The following ZSCAN25 variants were observed in gnomAD, a reference collection of about 807,000 sequenced individuals.
ZSCAN25 encodes zinc finger and SCAN domain-containing protein 25.
ZSCAN25 carries 27 observed loss-of-function variants against 38.7 expected under a neutral mutation model. The observed-to-expected ratio is 0.70, with a 90% CI of 0.51 to 0.96. The LOEUF (loss-of-function observed/expected upper bound fraction) is 0.96, where lower values mean the gene tolerates loss of function less well. Among genes scored for constraint, ZSCAN25 ranks in the 40% least tolerant of loss-of-function variants. ZSCAN25 has a pLI of 0.00. For synonymous variants in ZSCAN25, 273 were observed against 277.7 expected, an observed-to-expected ratio of 0.98 and a Z score of 0.17; for missense variants, 637 against 705.9, an observed-to-expected ratio of 0.90 and a Z score of 1.11.
the ZSCAN25 span, chr7:99,705,627 A>C: frequency 6.2e-7 from 1 of 1,610,274 alleles, no homozygotes; most frequent in Non-Finnish European, 8.5e-7. Context: ...ATTGAGAAGC[A>C]TTAAATAAAG....
chr7:99,675,517 A>T, the ZSCAN25 span, among the ~76,000 whole-genome samples: 1 of 151,724 alleles, frequency 6.6e-6, no homozygotes, highest in South Asian at 2.1e-4. Flanking sequence ...GCTTGCTGCT[A>T]CTGGCCTTCT....
Position 99,631,078 on chromosome 7 carries a change from G to A in ZSCAN25, c.*1058G>A, listed in dbSNP as rs965455337. The A allele has an allele frequency of 1.4e-4, 139 of 985,014 alleles. No individual in the cohort carries two copies. Among genetic ancestry groups the A allele is most frequent in the South Asian group, 2.8e-4 (6 of 21,282 alleles). The allele number at this position is 985,014 out of a possible 1,614,324, so 61.0% of individuals were successfully genotyped here. A position where few individuals can be genotyped will look rare whatever the true frequency, so the allele number is the denominator to read the frequency against. ...CATGAATAAAATAGGGGGAGAAGCTGTTGACCTCGTAGAGCTTATGTCTCG... is the reference window on the plus strand; with the variant it reads ...CATGAATAAAATAGGGGGAGAAGCTATTGACCTCGTAGAGCTTATGTCTCG... On this transcript the variant is annotated 3_prime_UTR_variant, in exon 8 of 8. Coordinates refer to ENST00000394152, the MANE Select transcript of ZSCAN25 (RefSeq NM_145115.3).
chr7:99,654,325 T>C, the ZSCAN25 span, among the ~76,000 whole-genome samples: 5 of 152,124 alleles, frequency 3.3e-5, no homozygotes, highest in Non-Finnish European at 7.3e-5. Flanking sequence ...AGTGAGAACA[T>C]ACAGTGTTTG....
the ZSCAN25 span, chr7:99,707,772 A>G: frequency 6.2e-7 from 1 of 1,612,474 alleles, no homozygotes; most frequent in Non-Finnish European, 8.5e-7. Context: ...AGTTAAAATA[A>G]TTGTTAATAA....
chr7:99,716,765 T>C, the ZSCAN25 span, among the ~76,000 whole-genome samples: 1 of 152,188 alleles, frequency 6.6e-6, no homozygotes, highest in Non-Finnish European at 1.5e-5. Context: ...CATGAAATGA[T>C]CAAAGTTATT....
the ZSCAN25 span, among the ~76,000 whole-genome samples, chr7:99,670,400 C>T: frequency 2.8e-4 from 43 of 152,238 alleles, no homozygotes; most frequent in East Asian, 4.2e-3. Flanking sequence ...TTATGCATTT[C>T]GACATGTTGG....
the ZSCAN25 span, chr7:99,650,312 A>G: frequency 1.5e-6 from 2 of 1,371,866 alleles, no homozygotes; most frequent in Non-Finnish European, 2.0e-6. Flanking sequence ...TTACTTAAGA[A>G]CAACCCCCCT....
the ZSCAN25 span, chr7:99,638,533 T>C: frequency 7.3e-6 from 11 of 1,509,440 alleles, no homozygotes; most frequent in Non-Finnish European, 1.0e-5. Context: ...TGGGTCCCAG[T>C]GTAGTTATGC....
chr7:99,648,121 C>A, the ZSCAN25 span: 1 of 1,279,404 alleles, frequency 7.8e-7, no homozygotes. Flanking sequence ...CTTTATACTA[C>A]ATAATGCACA....
the ZSCAN25 span, among the ~76,000 whole-genome samples, chr7:99,664,773 G>A: frequency 2.0e-5 from 3 of 152,036 alleles, no homozygotes; most frequent in African/African-American, 7.2e-5. Context: ...AACACTAAAA[G>A]AAGAAGAGCA....
the ZSCAN25 span, among the ~76,000 whole-genome samples, chr7:99,735,935 A>G: frequency 6.6e-6 from 1 of 152,058 alleles, no homozygotes; most frequent in South Asian, 2.1e-4. Context: ...TGACCACTCC[A>G]TCTTCTTAGG....
the ZSCAN25 span, among the ~76,000 whole-genome samples, chr7:99,643,290 G>A: frequency 2.0e-5 from 3 of 152,008 alleles, no homozygotes; most frequent in East Asian, 5.8e-4. Flanking sequence ...CTAGAAAGGC[G>A]TTTGCCATAA....
the ZSCAN25 span, among the ~76,000 whole-genome samples, chr7:99,668,860 T>A: frequency 6.6e-6 from 1 of 152,218 alleles, no homozygotes; most frequent in African/African-American, 2.4e-5. Flanking sequence ...GACAGTTGAA[T>A]TGACACTGTC....
the ZSCAN25 span, among the ~76,000 whole-genome samples, chr7:99,652,953 C>A: frequency 6.6e-6 from 1 of 152,160 alleles, no homozygotes; most frequent in Non-Finnish European, 1.5e-5. Flanking sequence ...TGCTCAGTGA[C>A]CTACTGAGAT....
At chr7:99,699,744 C>G in the ZSCAN25 span, among the ~76,000 whole-genome samples, 1 of 152,208 alleles carries the variant, frequency 6.6e-6, no homozygotes, top group Non-Finnish European at 1.5e-5. Context: ...TCCCCAAACC[C>G]TCCTAGTCAC....
At chr7:99,654,202 G>C in the ZSCAN25 span, among the ~76,000 whole-genome samples, 1 of 151,858 alleles carries the variant, frequency 6.6e-6, no homozygotes, top group South Asian at 2.1e-4. Context: ...TTTAACATTC[G>C]GTATATCTCC....
the ZSCAN25 span, among the ~76,000 whole-genome samples, chr7:99,701,364 T>C: frequency 2.6e-5 from 4 of 152,236 alleles, no homozygotes; most frequent in Non-Finnish European, 5.9e-5. Flanking sequence ...TTGATGGACA[T>C]GTAGGTTGCT....
rs1562971752 is a variant in ZSCAN25 at position 99,630,017 on chromosome 7, G to A, written c.1632G>A (p.Gln544=). ...KTQHRQEPLV[Q] ...AGCACCGCCAGGAGCCGCTGGTGCAGTGAGCATAGCAGGTGGCAGGCAGCA... is the reference window on the plus strand; with the variant it reads ...AGCACCGCCAGGAGCCGCTGGTGCAATGAGCATAGCAGGTGGCAGGCAGCA... The change falls in exon 8 of 8, where the codon CAG becomes CAA. Residue 544 remains glutamine (Q), a synonymous_variant. Coordinates refer to ENST00000394152, the MANE Select transcript of ZSCAN25 (RefSeq NM_145115.3). 2 of 1,548,186 alleles carry A rather than the reference G, an allele frequency of 1.3e-6. No homozygotes were observed. Among genetic ancestry groups the A allele is most frequent in the East Asian group, 2.4e-5 (1 of 42,280 alleles).
chr7:99,643,582 G>C, the ZSCAN25 span, among the ~76,000 whole-genome samples: 2 of 151,814 alleles, frequency 1.3e-5, no homozygotes, highest in African/African-American at 4.8e-5. Flanking sequence ...AGTTTTTTGT[G>C]GTTTTATGGC....
Sources: allele counts gnomAD v4.1 joint callset (sites outside exome capture counted in the v4.1 genomes callset), GRCh38; gene constraint gnomAD v4.1.1; transcripts MANE v1.5; gene names NCBI Gene and HGNC (gene_info 2026-07-23, HGNC 2026-07-21).